SGCZ: variants seen among roughly 807,000 people sequenced by gnomAD.
SGCZ encodes the protein zeta-sarcoglycan.
A neutral mutation model predicts 41.3 loss-of-function variants in SGCZ; 40 were observed. The observed-to-expected ratio is 0.97, with a 90% CI of 0.75 to 1.26. The LOEUF (loss-of-function observed/expected upper bound fraction) is 1.26, where lower values mean the gene tolerates loss of function less well. Ranked by LOEUF, SGCZ falls within the 50% of genes most tolerant of loss-of-function variation. The probability of loss-of-function intolerance (pLI) is 0.00; values close to 1 mark genes in which losing one functional copy is unlikely to be tolerated. For synonymous variants in SGCZ, 206 were observed against 137.5 expected (o/e 1.50, Z -3.49); for missense variants, 552 against 369.8 (o/e 1.49, Z -4.04).
At chr8:14,658,308 C>T (rs1807639014) in intron 1 of SGCZ, among the ~76,000 whole-genome samples, 1 of 152,174 alleles carries the variant, frequency 6.6e-6, no homozygotes, top group African/African-American at 2.4e-5. Flanking sequence ...TATTGCTTCA[C>T]CTGGATAATT....
intron 4 of SGCZ, among the ~76,000 whole-genome samples, chr8:14,198,442 G>A (rs924678253): frequency 2.0e-5 from 3 of 152,158 alleles, no homozygotes; most frequent in Non-Finnish European, 4.4e-5. Flanking sequence ...GGGAATATAA[G>A]AGGGAAGAAA....
intron 2 of SGCZ, among the ~76,000 whole-genome samples, chr8:14,385,035 A>T (rs1261201914): frequency 6.6e-6 from 1 of 152,232 alleles, no homozygotes; most frequent in African/African-American, 2.4e-5. Context: ...CATAGTTTTC[A>T]TGATGAAGAA....
At chr8:14,173,446 G>A (rs1361524902) in intron 4 of SGCZ, among the ~76,000 whole-genome samples, 1 of 135,772 alleles carries the variant, frequency 7.4e-6, no homozygotes, top group Non-Finnish European at 1.6e-5. Context: ...GCATAGGGCT[G>A]AAAAATTCAA....
chr8:14,590,177 T>A (rs1256490373), intron 1 of SGCZ, among the ~76,000 whole-genome samples: 1 of 152,094 alleles, frequency 6.6e-6, no homozygotes, highest in Non-Finnish European at 1.5e-5. Context: ...TATGGACAAT[T>A]TGAATCCAAG....
intron 1 of SGCZ, among the ~76,000 whole-genome samples, chr8:14,725,298 G>C (rs935750433): frequency 6.6e-6 from 1 of 152,128 alleles, no homozygotes; most frequent in Non-Finnish European, 1.5e-5. Flanking sequence ...ATAAACATGG[G>C]AATGCAGCTA....
intron 1 of SGCZ, among the ~76,000 whole-genome samples, chr8:14,910,582 A>G (rs1178197501): frequency 6.6e-6 from 1 of 151,936 alleles, no homozygotes; most frequent in East Asian, 1.9e-4. Flanking sequence ...TTTTCTTAAT[A>G]TTTGAATCTA....
chr8:14,455,794 T>C lies in SGCZ; in HGVS notation c.234+98938A>G, dbSNP rs28617769. Among the ~76,000 whole-genome samples, 720 of 152,330 alleles carry C rather than the reference T, an allele frequency of 4.7e-3. 1 individual carries two copies. Among genetic ancestry groups the C allele is most frequent in the Non-Finnish European group, 7.9e-3 (539 of 68,040 alleles). On this transcript the variant is annotated intron_variant, in intron 2 of 7. Transcript: ENST00000382080. ...TAAACAAGAATGAGGACAGGCTCTATGGACTGACATGGGTTCATATGTAGG... is the reference window on the plus strand; with the variant it reads ...TAAACAAGAATGAGGACAGGCTCTACGGACTGACATGGGTTCATATGTAGG...
intron 1 of SGCZ, among the ~76,000 whole-genome samples, chr8:14,747,786 C>T (rs557353322): frequency 2.3e-4 from 35 of 149,934 alleles, no homozygotes; most frequent in African/African-American, 8.1e-4. Flanking sequence ...CATCTCTGCT[C>T]GCTGCAACCT....
At chr8:14,784,759 G>A (rs1347346770) in intron 1 of SGCZ, among the ~76,000 whole-genome samples, 6 of 150,638 alleles carry the variant, frequency 4.0e-5, no homozygotes, top group African/African-American at 7.3e-5. Context: ...AAAATTAGGC[G>A]GGCATGGTGG....
chr8:14,276,999 C>A (rs538852578), intron 3 of SGCZ, among the ~76,000 whole-genome samples: 1 of 152,344 alleles, frequency 6.6e-6, no homozygotes, highest in East Asian at 1.9e-4. Context: ...CCTGCTCCCA[C>A]ACTGTGGAGT....
intron 2 of SGCZ, among the ~76,000 whole-genome samples, chr8:14,503,512 G>A (rs971693128): frequency 1.3e-5 from 2 of 152,260 alleles, no homozygotes; most frequent in African/African-American, 4.8e-5. Context: ...GCTCATGCCT[G>A]TAATCCCAGC....
chr8:14,595,096 C>G (rs1264980545), intron 1 of SGCZ, among the ~76,000 whole-genome samples: 1 of 149,902 alleles, frequency 6.7e-6, no homozygotes, highest in Admixed American at 6.6e-5. Context: ...TTGTTATCAC[C>G]TCAAAATTGT....
chr8:14,249,156 T>C (rs561940944), intron 3 of SGCZ, among the ~76,000 whole-genome samples: 139 of 152,254 alleles, frequency 9.1e-4, no homozygotes, highest in Non-Finnish European at 1.4e-3. Context: ...CCCAGTGTAG[T>C]TGGACCTAAA....
At chr8:14,486,417 T>A (rs758322317) in intron 2 of SGCZ, among the ~76,000 whole-genome samples, 1 of 152,234 alleles carries the variant, frequency 6.6e-6, no homozygotes, top group African/African-American at 2.4e-5. Context: ...ATACAGTGCC[T>A]TCTCTTTAAC....
chr8:14,516,847 C>A lies in SGCZ; in HGVS notation c.234+37885G>T, dbSNP rs1243720483. On this transcript the variant is annotated intron_variant, in intron 2 of 7. Transcript: ENST00000382080. ...GTTAACATTTTATAAATTGAGGGAA[C>A]TTTTTGTTGATTATTGATAACTATT... Among the ~76,000 whole-genome samples the A allele has an allele frequency of 2.0e-5, 3 of 152,068 alleles. No individual in the cohort carries two copies. In the South Asian group the frequency reaches 6.2e-4, roughly 32 times the overall value.
At chr8:14,275,802 T>C (rs1358718823) in intron 3 of SGCZ, among the ~76,000 whole-genome samples, 1 of 152,142 alleles carries the variant, frequency 6.6e-6, no homozygotes, top group Non-Finnish European at 1.5e-5. Context: ...GCTGGTTTCA[T>C]GCCCCTGGGA....
At position 14,400,382 on chromosome 8, in the gene SGCZ, C is replaced by T. The variant is rs147234378; in HGVS notation, c.235-76178G>A. 1.7e-3 allele frequency among the ~76,000 whole-genome samples: 256 copies of T among 152,130 alleles called. 1 individual carries two copies. Among genetic ancestry groups the T allele is most frequent in the African/African-American group, 5.8e-3 (239 of 41,512 alleles). ...TTCTCTTTGGTAGATAGAACATTTA[C>T]CACTTTGTAGCTATTCACAAAGTTG... is the stretch of plus-strand genomic sequence containing the variant. On this transcript the variant is annotated intron_variant, in intron 2 of 7. Coordinates refer to ENST00000382080, the MANE Select transcript of SGCZ (RefSeq NM_139167.4).
chr8:14,585,828 C>G (rs185822611), intron 1 of SGCZ, among the ~76,000 whole-genome samples: 52 of 152,174 alleles, frequency 3.4e-4, no homozygotes, highest in African/African-American at 1.2e-3. Flanking sequence ...AATTCTGTTT[C>G]GTAGCAAACC....
At chr8:15,138,731 C>A (rs1808209704) in intron 1 of SGCZ, among the ~76,000 whole-genome samples, 1 of 152,146 alleles carries the variant, frequency 6.6e-6, no homozygotes. Context: ...GTCAATTAAA[C>A]CTCTTTTCTT....
Sources: allele counts gnomAD v4.1 joint callset (sites outside exome capture counted in the v4.1 genomes callset), GRCh38; gene constraint gnomAD v4.1.1; transcripts MANE v1.5; gene names NCBI Gene and HGNC (gene_info 2026-07-23, HGNC 2026-07-21).